FAM185A: variants seen among roughly 807,000 people sequenced by gnomAD.
FAM185A encodes the protein family with sequence similarity 185 member A, also known as protein FAM185A.
Under a neutral mutation model 45.7 loss-of-function variants are expected in FAM185A, and 21 were observed. The ratio of observed to expected loss-of-function variants is 0.46; its 90% CI spans 0.33 to 0.66. The LOEUF (loss-of-function observed/expected upper bound fraction) is 0.66. FAM185A is among the 30% of genes least tolerant of loss of function. The pLI is 0.03. For synonymous variants in FAM185A, 117 were observed against 194.0 expected (o/e 0.60, Z 3.30); for missense variants, 305 against 485.4 (o/e 0.63, Z 3.49).
chr7:102,840,408 A>G, the FAM185A span, among the ~76,000 whole-genome samples: 3 of 152,230 alleles, frequency 2.0e-5, no homozygotes, highest in African/African-American at 7.2e-5. Context: ...TAGTGGCCCA[A>G]TTACCTGGCA....
chr7:102,837,213 C>T, the FAM185A span, among the ~76,000 whole-genome samples: 1 of 152,220 alleles, frequency 6.6e-6, no homozygotes, highest in Admixed American at 6.5e-5. Context: ...CATGGCCTGG[C>T]ACCACAACTA....
At chr7:102,819,949 C>T in the FAM185A span, among the ~76,000 whole-genome samples, 1 of 152,192 alleles carries the variant, frequency 6.6e-6, no homozygotes, top group African/African-American at 2.4e-5. Flanking sequence ...AACTAGGCCC[C>T]CTTACAGCTT....
At chr7:102,774,762 CTTGT>C in intron 5 of FAM185A, among the ~76,000 whole-genome samples, 1 of 151,992 alleles carries the variant, frequency 6.6e-6, no homozygotes, top group African/African-American at 2.4e-5. Context: ...ACATTATTTA[CTTGT>C]TTATTATTTT....
the FAM185A span, among the ~76,000 whole-genome samples, chr7:102,832,401 GA>G: frequency 3.9e-5 from 6 of 152,148 alleles, 1 homozygote; most frequent in Admixed American, 2.0e-4. Flanking sequence ...TTTTGTCCAG[GA>G]AAGATGCAAA....
chr7:102,813,268 T>TA, downstream of FAM185A: 1 of 1,364,188 alleles, frequency 7.3e-7, no homozygotes. Context: ...ATTCAGCTAG[T>TA]AAACATACTT....
intron 2 of FAM185A, among the ~76,000 whole-genome samples, chr7:102,753,383 A>G (rs966690981): frequency 1.1e-4 from 17 of 151,118 alleles, no homozygotes; most frequent in African/African-American, 4.2e-4. Context: ...TTCTCTGTTG[A>G]TTTTCTTCTT....
chr7:102,832,760 T>C, the FAM185A span: 1 of 1,553,974 alleles, frequency 6.4e-7, no homozygotes, highest in Non-Finnish European at 8.7e-7. Context: ...ATATTCTGAG[T>C]CCAGCCCTGA....
intron 4 of FAM185A, among the ~76,000 whole-genome samples, chr7:102,761,700 G>A: frequency 6.6e-6 from 1 of 151,158 alleles, no homozygotes; most frequent in East Asian, 1.9e-4. Context: ...GTCTTGCTCT[G>A]TTGCCTAGGC....
intron 5 of FAM185A, among the ~76,000 whole-genome samples, chr7:102,773,561 T>C (rs1794880181): frequency 6.6e-6 from 1 of 152,084 alleles, no homozygotes; most frequent in Non-Finnish European, 1.5e-5. Context: ...TTTTTCCTCT[T>C]GGGTAAATAC....
the FAM185A span, among the ~76,000 whole-genome samples, chr7:102,815,780 G>A: frequency 3.3e-5 from 5 of 152,136 alleles, no homozygotes; most frequent in Admixed American, 2.0e-4. Flanking sequence ...TACTACTAAT[G>A]ATAAGTCTGG....
At chr7:102,818,448 C>T in the FAM185A span, among the ~76,000 whole-genome samples, 20 of 152,100 alleles carry the variant, frequency 1.3e-4, no homozygotes, top group African/African-American at 4.1e-4. Context: ...TAGCACAGTA[C>T]GTGGCAAATA....
intron 7 of FAM185A, among the ~76,000 whole-genome samples, chr7:102,800,362 T>C (rs1796716278): frequency 6.6e-6 from 1 of 152,088 alleles, no homozygotes; most frequent in Non-Finnish European, 1.5e-5. Context: ...AAAATCACAC[T>C]AGCTCACCAG....
intron 5 of FAM185A, among the ~76,000 whole-genome samples, chr7:102,773,460 T>C (rs1291050710): frequency 1.3e-5 from 2 of 152,176 alleles, no homozygotes; most frequent in African/African-American, 4.8e-5. Context: ...CTACTGTTGA[T>C]GGACACCTGG....
chr7:102,848,310 A>G, the FAM185A span, among the ~76,000 whole-genome samples: 1 of 46,454 alleles, frequency 2.2e-5, no homozygotes, highest in Admixed American at 1.7e-4. Context: ...TAATCCCAGC[A>G]CTTTGGGAGG....
chr7:102,750,377 T>A (rs1044334436), intron 1 of FAM185A, among the ~76,000 whole-genome samples: 1 of 152,216 alleles, frequency 6.6e-6, no homozygotes, highest in African/African-American at 2.4e-5. Flanking sequence ...ATAATAGCAT[T>A]TAGCATTTTT....
In FAM185A at chr7:102,751,761, T is replaced by C. The variant is rs773379551; in HGVS notation, c.521T>C (p.Ile174Thr). 104 of 1,551,488 alleles carry C rather than the reference T, an allele frequency of 6.7e-5. No individual in the cohort carries two copies. Among genetic ancestry groups the C allele is most frequent in the Non-Finnish European group, 8.4e-5 (96 of 1,146,792 alleles). The change falls in exon 2 of 8, where the codon ATT becomes ACT. Residue 174 changes from isoleucine to threonine, a missense_variant. Physicochemically the swap from Ile to Thr is moderately conservative, Grantham distance 89. Around this residue, in one of 5 missense-constraint regions of FAM185A, gnomAD observed 174 missense variants for 247.1 expected, o/e 0.70. Transcript: ENST00000413034. ...VQSIEGDNCK[I>T]ETEHGTSILQ... ...AGTATTGAGGGTGATAATTGCAAAA[T>C]TGAAACAGAGCATGGGACTAGTATC...
the FAM185A span, among the ~76,000 whole-genome samples, chr7:102,839,092 G>T: frequency 2.0e-5 from 3 of 152,250 alleles, no homozygotes; most frequent in African/African-American, 7.2e-5. Flanking sequence ...ACCGCCCTAT[G>T]GCGGGAGACG....
At chr7:102,826,769 A>ATATATATATATATATATATATG in the FAM185A span, among the ~76,000 whole-genome samples, 9 of 100,742 alleles carry the variant, frequency 8.9e-5, no homozygotes, top group Non-Finnish European at 1.2e-4. Context: ...ATATATATAT[A>ATATATATATATATATATATATG]TATGTATATA....
At chr7:102,756,473 C>G (rs1562843866) in intron 2 of FAM185A, among the ~76,000 whole-genome samples, 1 of 151,260 alleles carries the variant, frequency 6.6e-6, no homozygotes. Flanking sequence ...CTGGCCAACA[C>G]GGTGAAACCC....
Sources: allele counts gnomAD v4.1 joint callset (sites outside exome capture counted in the v4.1 genomes callset), GRCh38; gene constraint gnomAD v4.1.1; regional missense constraint gnomAD v4.1.1; transcripts MANE v1.5; gene names NCBI Gene and HGNC (gene_info 2026-07-23, HGNC 2026-07-21).